Variants in ENTHD1 observed in about 807,000 individuals in gnomAD.
The protein encoded by ENTHD1 is ENTH domain containing 1.
Under a neutral mutation model 39.1 loss-of-function variants are expected in ENTHD1, and 23 were observed. The observed-to-expected ratio is 0.59, with a 90% CI of 0.42 to 0.83. The LOEUF (loss-of-function observed/expected upper bound fraction) is 0.83, where lower values mean the gene tolerates loss of function less well. Among genes scored for constraint, ENTHD1 ranks in the 40% least tolerant of loss-of-function variants. The pLI is 0.00. For synonymous variants in ENTHD1, 230 were observed against 258.2 expected, an observed-to-expected ratio of 0.89 and a Z score of 1.05; for missense variants, 624 against 705.4, an observed-to-expected ratio of 0.88 and a Z score of 1.31.
At chr22:39,836,811 TC>T (rs2065910455) in intron 3 of ENTHD1, among the ~76,000 whole-genome samples, 6 of 152,162 alleles carry the variant, frequency 3.9e-5, no homozygotes. Flanking sequence ...GTGTAGCACC[TC>T]CCGCTTCGCT....
intron 5 of ENTHD1, among the ~76,000 whole-genome samples, chr22:39,784,635 G>A (rs2065440192): frequency 1.3e-5 from 2 of 151,016 alleles, no homozygotes; most frequent in Admixed American, 6.6e-5. Context: ...GCAGCAACAT[G>A]GATGGAACCG....
chr22:39,828,005 G>A (rs910313922), intron 4 of ENTHD1, among the ~76,000 whole-genome samples: 2 of 152,160 alleles, frequency 1.3e-5, no homozygotes, highest in Non-Finnish European at 2.9e-5. Context: ...TCTATAAGAT[G>A]TAGTTTACTA....
chr22:39,877,679 C>T (rs1282961897), intron 2 of ENTHD1, among the ~76,000 whole-genome samples: 1 of 152,152 alleles, frequency 6.6e-6, no homozygotes, highest in East Asian at 1.9e-4. Context: ...TCCCCTGGTG[C>T]TTCTAGCAGG....
At chr22:39,751,000 A>G (rs187342819) in intron 6 of ENTHD1, 1 of 153,518 alleles carries the variant, frequency 6.5e-6, no homozygotes, top group Admixed American at 6.5e-5. Flanking sequence ...GGACATAAAT[A>G]AAGTGAAGCT....
rs1464948840 is a variant in ENTHD1 at position 39,867,643 on chromosome 22, T to C, written c.350-5636A>G. Among the ~76,000 whole-genome samples, 4 of 152,086 alleles carry C rather than the reference T, an allele frequency of 2.6e-5. No homozygotes were observed. Among genetic ancestry groups the C allele is most frequent in the Non-Finnish European group, 5.9e-5 (4 of 68,006 alleles). On this transcript the variant is annotated intron_variant, in intron 2 of 6. Coordinates refer to ENST00000325157, the MANE Select transcript of ENTHD1 (RefSeq NM_152512.4). The surrounding 1 kb of genome is among the most constrained non-coding windows in gnomAD (Gnocchi z 4.5). ...CTTCCAATCTACCCTCCACAATGCC[T>C]TCAGGTAACGCGGTGGGGGTAGAAA... is the stretch of plus-strand genomic sequence containing the variant.
chr22:39,813,645 C>G (rs2065710758), intron 5 of ENTHD1, among the ~76,000 whole-genome samples: 1 of 152,170 alleles, frequency 6.6e-6, no homozygotes, highest in Admixed American at 6.5e-5. Flanking sequence ...TTAAATCATT[C>G]TCATTAAGTC....
At chr22:39,792,550 C>A (rs2065513036) in intron 5 of ENTHD1, among the ~76,000 whole-genome samples, 1 of 152,092 alleles carries the variant, frequency 6.6e-6, no homozygotes, top group Non-Finnish European at 1.5e-5. Context: ...GATGGTATAT[C>A]TCCTTTACCT....
chr22:39,770,473 AC>A (rs892879888), intron 5 of ENTHD1, among the ~76,000 whole-genome samples: 31 of 152,082 alleles, frequency 2.0e-4, no homozygotes, highest in African/African-American at 7.2e-4. Context: ...GCCAACAAGC[AC>A]CCCATCCTAA....
At chr22:39,817,238 A>C (rs73888179) in intron 5 of ENTHD1, among the ~76,000 whole-genome samples, 13,937 of 152,258 alleles carry the variant, frequency 0.092, 689 homozygotes, top group South Asian at 0.13. Context: ...AATTATGACC[A>C]AGAGAATCCA....
At chr22:39,863,241 G>A (rs1218198513) in intron 2 of ENTHD1, among the ~76,000 whole-genome samples, 1 of 152,102 alleles carries the variant, frequency 6.6e-6, no homozygotes, top group Non-Finnish European at 1.5e-5. Flanking sequence ...GCAAACAGAT[G>A]GCATACTCAG....
At chr22:39,788,226 GA>G (rs1280280268) in intron 5 of ENTHD1, among the ~76,000 whole-genome samples, 1 of 152,174 alleles carries the variant, frequency 6.6e-6, no homozygotes, top group Admixed American at 6.5e-5. Flanking sequence ...AAAACCTTCT[GA>G]AAAGGATTCA....
At chr22:39,886,131 A>G (rs894135371) in intron 2 of ENTHD1, among the ~76,000 whole-genome samples, 9 of 152,160 alleles carry the variant, frequency 5.9e-5, no homozygotes, top group African/African-American at 2.2e-4. Context: ...AATCTTAAGT[A>G]CATATTGCCA....
chr22:39,811,595 A>G (rs2065686445), intron 5 of ENTHD1, among the ~76,000 whole-genome samples: 2 of 152,220 alleles, frequency 1.3e-5, no homozygotes, highest in African/African-American at 4.8e-5. Context: ...CAGGACACCA[A>G]GTGACTCTGT....
intron 2 of ENTHD1, among the ~76,000 whole-genome samples, chr22:39,885,362 G>A (rs143236185): frequency 6.6e-6 from 1 of 152,186 alleles, no homozygotes; most frequent in Non-Finnish European, 1.5e-5. Flanking sequence ...ACAAGTGTTG[G>A]CAGGAATACA....
In ENTHD1 at chr22:39,799,460, G is replaced by A. The variant is rs372619453; in HGVS notation, c.832+21533C>T. Among the ~76,000 whole-genome samples, 91 of 152,256 alleles carry A rather than the reference G, an allele frequency of 6.0e-4. 1 individual carries two copies. In the South Asian group the frequency reaches 7.5e-3, roughly 12 times the overall value. Reference sequence around the variant, plus strand: ...GTTCTTGTCTCATGACCAGGAAAAAGTAGGTACACAGACACATTGAAAGGT... The same window carrying A: ...GTTCTTGTCTCATGACCAGGAAAAAATAGGTACACAGACACATTGAAAGGT... On this transcript the variant is annotated intron_variant, in intron 5 of 6. Transcript: ENST00000325157.
chr22:39,820,145 GA>G (rs1228523975), intron 5 of ENTHD1, among the ~76,000 whole-genome samples: 1 of 151,966 alleles, frequency 6.6e-6, no homozygotes, highest in Non-Finnish European at 1.5e-5. Context: ...CTATAAATAT[GA>G]ACTTGAACAA....
intron 3 of ENTHD1, among the ~76,000 whole-genome samples, chr22:39,850,443 A>G (rs2066025989): frequency 6.6e-6 from 1 of 152,142 alleles, no homozygotes; most frequent in South Asian, 2.1e-4. Flanking sequence ...ATGTGAATTT[A>G]TGCTTGCAGC....
At chr22:39,880,536 T>G (rs2066328785) in intron 2 of ENTHD1, among the ~76,000 whole-genome samples, 1 of 152,044 alleles carries the variant, frequency 6.6e-6, no homozygotes, top group Non-Finnish European at 1.5e-5. Context: ...ACCACTTTGG[T>G]TGGGGATGTT....
chr22:39,846,294 A>G (rs533591369), intron 3 of ENTHD1, among the ~76,000 whole-genome samples: 2 of 152,260 alleles, frequency 1.3e-5, no homozygotes, highest in African/African-American at 4.8e-5. Context: ...TCTACCGCTC[A>G]GGCTCAAGCG....
Sources: gnomAD v4.1 joint callset for allele counts (sites outside exome capture counted in the v4.1 genomes callset) on GRCh38, gnomAD v4.1.1 for gene constraint, Gnocchi (gnomAD v3.1) non-coding constraint, MANE v1.5 for transcripts, NCBI Gene and HGNC (gene_info 2026-07-23, HGNC 2026-07-21) for gene names.